Variants in RNF128 observed in about 807,000 individuals in gnomAD.
RNF128 encodes ring finger protein 128.
Under a neutral mutation model 26.2 loss-of-function variants are expected in RNF128, and 13 were observed. The observed-to-expected ratio is 0.50, with a 90% confidence interval of 0.32 to 0.79. The LOEUF is 0.79. Ranked by LOEUF, RNF128 falls within the 30% of genes least tolerant of loss-of-function variation. The probability of loss-of-function intolerance (pLI) is 0.03; values close to 1 mark genes in which losing one functional copy is unlikely to be tolerated. For synonymous variants in RNF128, 149 were observed against 142.5 expected, an observed-to-expected ratio of 1.05 and a Z score of -0.32; for missense variants, 315 against 349.7, an observed-to-expected ratio of 0.90 and a Z score of 0.79.
At chrX:106,773,540 T>C (rs1175432760) in intron 2 of RNF128, among the ~76,000 whole-genome samples, 1 of 111,413 alleles carries the variant, frequency 9.0e-6, no homozygotes, top group Non-Finnish European at 1.9e-5. Context: ...AAACCTGATA[T>C]AGCAATATAA....
intron 1 of RNF128, among the ~76,000 whole-genome samples, chrX:106,748,773 G>A (rs1470256806): frequency 9.0e-6 from 1 of 110,699 alleles, no homozygotes; most frequent in African/African-American, 3.3e-5. Flanking sequence ...GGAAGGGGAG[G>A]GATGAAGAGA....
intron 1 of RNF128, among the ~76,000 whole-genome samples, chrX:106,759,232 ATAT>A (rs1222630257): frequency 9.0e-6 from 1 of 111,693 alleles, no homozygotes; most frequent in African/African-American, 3.3e-5. Context: ...CTACAATGAG[ATAT>A]TATCTCATCC....
At chrX:106,715,439 A>C (rs1365139873) in intron 1 of RNF128, among the ~76,000 whole-genome samples, 1 of 112,419 alleles carries the variant, frequency 8.9e-6, no homozygotes, top group Non-Finnish European at 1.9e-5. Context: ...TCAAATAATC[A>C]GTGGATAATA....
intron 2 of RNF128, among the ~76,000 whole-genome samples, chrX:106,780,239 A>G (rs951999111): frequency 8.9e-6 from 1 of 111,947 alleles, no homozygotes; most frequent in African/African-American, 3.2e-5. Flanking sequence ...CTAATTGGAT[A>G]TAAAGACACC....
intron 1 of RNF128, among the ~76,000 whole-genome samples, chrX:106,707,741 C>A: frequency 9.1e-6 from 1 of 109,965 alleles, no homozygotes; most frequent in Non-Finnish European, 1.9e-5. Flanking sequence ...ATTAAAACAG[C>A]ATTCTTTCAG....
intron 3 of RNF128, among the ~76,000 whole-genome samples, chrX:106,787,018 T>C (rs1930669351): frequency 9.0e-6 from 1 of 111,250 alleles, no homozygotes; most frequent in South Asian, 3.7e-4. Context: ...GCAAAATGTA[T>C]AGCCAATTTG....
chrX:106,789,654 T>TAA (rs1417564687), intron 4 of RNF128, among the ~76,000 whole-genome samples: 1 of 106,251 alleles, frequency 9.4e-6, no homozygotes, highest in African/African-American at 3.4e-5. Flanking sequence ...AAGAAAAAAA[T>TAA]AAAATGAAAT....
At chrX:106,748,220 G>A (rs1471989313) in intron 1 of RNF128, among the ~76,000 whole-genome samples, 1 of 112,110 alleles carries the variant, frequency 8.9e-6, no homozygotes, top group African/African-American at 3.2e-5. Flanking sequence ...CTATGTATTA[G>A]CATATCAACA....
intron 1 of RNF128, among the ~76,000 whole-genome samples, chrX:106,758,162 A>G (rs1196212433): frequency 8.9e-6 from 1 of 112,329 alleles, no homozygotes; most frequent in Non-Finnish European, 1.9e-5. Flanking sequence ...AAAGAAATCA[A>G]GTAAGTATTC....
chrX:106,699,017 A>C (rs1603076500), intron 1 of RNF128, among the ~76,000 whole-genome samples: 1 of 111,311 alleles, frequency 9.0e-6, no homozygotes, highest in South Asian at 3.8e-4. Context: ...ATCTCATTAA[A>C]CATAAAGTTC....
At chrX:106,734,631 T>C (rs1354445969) in intron 1 of RNF128, among the ~76,000 whole-genome samples, 1 of 111,719 alleles carries the variant, frequency 9.0e-6, no homozygotes, top group Non-Finnish European at 1.9e-5. Flanking sequence ...ATAATATACA[T>C]CCCAAAAAGG....
chrX:106,722,701 A>G (rs1377001000), upstream of RNF128, among the ~76,000 whole-genome samples: 2 of 111,640 alleles, frequency 1.8e-5, no homozygotes, highest in Admixed American at 1.9e-4. Context: ...CAAATTCACG[A>G]GAGACCAATA....
In RNF128 at chrX:106,796,290, A is replaced by C. The variant is rs1930915966; in HGVS notation, c.*577A>C. ...TTTAAAATTAGGCTGAATGTACTTC[A>C]TGTGATTTGTCAACCATAGTTTATC... On this transcript the variant is annotated 3_prime_UTR_variant, in exon 7 of 7. Coordinates refer to ENST00000255499, the MANE Select transcript of RNF128 (RefSeq NM_194463.2). The C allele has an allele frequency of 8.9e-6, 1 of 112,300 alleles. No homozygotes were observed. Among genetic ancestry groups the C allele is most frequent in the Non-Finnish European group, 1.9e-5 (1 of 53,094 alleles). The allele number at this position is 112,300 out of a possible 1,213,427, so 9.3% of individuals were successfully genotyped here. A position where few individuals can be genotyped will look rare whatever the true frequency, so the allele number is the denominator to read the frequency against.
chrX:106,718,136 G>T (rs1390916789), intron 1 of RNF128, among the ~76,000 whole-genome samples: 1 of 111,711 alleles, frequency 9.0e-6, no homozygotes, highest in Admixed American at 9.5e-5. Flanking sequence ...AACCAGGAGG[G>T]AGCTATGCCC....
chrX:106,792,431 A>G lies in RNF128; in HGVS notation c.1153+1197A>G, dbSNP rs942482414. ...TGCAGAGATTTGAAAAGCAAATGAA[A>G]TAATGATCCATGTTTCTCCTCCTGT... On this transcript the variant is annotated intron_variant, in intron 6 of 6. Coordinates refer to ENST00000255499, the MANE Select transcript of RNF128 (RefSeq NM_194463.2). Among the ~76,000 whole-genome samples the G allele has an allele frequency of 9.9e-5, 11 of 110,934 alleles. No homozygotes were observed. In the Admixed American group the frequency reaches 1.1e-3, roughly 11 times the overall value.
At chrX:106,779,390 T>TGTG in intron 2 of RNF128, among the ~76,000 whole-genome samples, 3 of 106,546 alleles carry the variant, frequency 2.8e-5, no homozygotes, top group South Asian at 4.3e-4. Context: ...TGTGTGTGTG[T>TGTG]TGAGGATACT....
At chrX:106,741,188 C>T (rs1929695159) in intron 1 of RNF128, among the ~76,000 whole-genome samples, 1 of 111,774 alleles carries the variant, frequency 8.9e-6, no homozygotes, top group Non-Finnish European at 1.9e-5. Context: ...TCTGCCTGGC[C>T]TTGCAATAGC....
chrX:106,738,531 G>C (rs897489498), intron 1 of RNF128, among the ~76,000 whole-genome samples: 1 of 111,444 alleles, frequency 9.0e-6, no homozygotes, highest in African/African-American at 3.3e-5. Context: ...TCAAGAAACT[G>C]AAACGACTAT....
chrX:106,740,793 A>G (rs1431786995), intron 1 of RNF128, among the ~76,000 whole-genome samples: 4 of 111,197 alleles, frequency 3.6e-5, no homozygotes, highest in Non-Finnish European at 7.5e-5. Context: ...ATTTGTATAA[A>G]TTTTCTCTCT....
Sources: gnomAD v4.1 joint callset for allele counts (sites outside exome capture counted in the v4.1 genomes callset) on GRCh38, gnomAD v4.1.1 for gene constraint, MANE v1.5 for transcripts, NCBI Gene and HGNC (gene_info 2026-07-23, HGNC 2026-07-21) for gene names.